Variants in MGST1 observed in about 807,000 individuals in gnomAD.
MGST1 encodes glutathione S-transferase 12.
MGST1 carries 5 observed loss-of-function variants against 8.9 expected under a neutral mutation model. That is an observed-to-expected ratio of 0.56 (90% CI 0.29 to 1.19). The LOEUF is 1.19. MGST1 is among the 50% of genes most tolerant of loss of function. The pLI is 0.08. For synonymous variants in MGST1, 54 were observed against 67.8 expected (o/e 0.80, Z 1.00); for missense variants, 182 against 187.4 (o/e 0.97, Z 0.17).
At chr12:16,574,713 G>A (rs1054874399) in intron 4 of MGST1, among the ~76,000 whole-genome samples, 2 of 152,088 alleles carry the variant, frequency 1.3e-5, no homozygotes, top group African/African-American at 2.4e-5. Flanking sequence ...GTTTCCAACC[G>A]CAAAGGATTT....
chr12:16,564,995 G>T (rs887450523), intron 4 of MGST1, among the ~76,000 whole-genome samples: 1 of 151,994 alleles, frequency 6.6e-6, no homozygotes, highest in Non-Finnish European at 1.5e-5. Flanking sequence ...TCTCTCTGTT[G>T]CCCAGGCTGA....
At chr12:16,380,282 G>A (rs564938750), downstream of MGST1, among the ~76,000 whole-genome samples, 2,350 of 122,230 alleles carry the variant, frequency 0.019, 75 homozygotes, top group African/African-American at 0.063. Context: ...GGCATTTAGT[G>A]CTATAAATTT....
At position 16,521,566 on chromosome 12, in the gene MGST1, TTAAATGTA is replaced by T. The variant is rs141869327; in HGVS notation, n.483-67961_483-67954del. The stretch of plus-strand genomic sequence containing the variant: ...TAAATTTAACTACAGAGTTCAGCAT[TTAAATGTA>T]CTGAGAGATTCAGAATCAAATCTTA... On this transcript the variant is annotated intron_variant and non_coding_transcript_variant, in intron 4 of 4. Coordinates refer to the MGST1 transcript ENST00000538857. Among the ~76,000 whole-genome samples the T allele has an allele frequency of 3.8e-3, 580 of 152,226 alleles. 18 individuals carry two copies. The East Asian group carries it at 0.1, about 27-fold the overall frequency.
At chr12:16,427,128 C>A (rs573334849) in intron 1 of MGST1, among the ~76,000 whole-genome samples, 4 of 152,172 alleles carry the variant, frequency 2.6e-5, no homozygotes, top group Non-Finnish European at 5.9e-5. Flanking sequence ...AGACTTTAAA[C>A]AATTGTTTAC....
At chr12:16,556,069 C>T (rs1182534772) in intron 4 of MGST1, among the ~76,000 whole-genome samples, 1 of 152,158 alleles carries the variant, frequency 6.6e-6, no homozygotes, top group Admixed American at 6.5e-5. Flanking sequence ...TTATCCACCT[C>T]AGCTTCCACA....
At chr12:16,591,298 C>G (rs1192060401), downstream of MGST1, among the ~76,000 whole-genome samples, 6 of 151,974 alleles carry the variant, frequency 3.9e-5, no homozygotes, top group Admixed American at 3.3e-4. The surrounding 1 kb of genome is among the most constrained non-coding windows in gnomAD (Gnocchi z 4.1). Flanking sequence ...GAATGTCCTT[C>G]CCATACGTGA....
In MGST1 at chr12:16,576,585, G is replaced by A. The variant is rs139805339; in HGVS notation, n.483-12943G>A. 1.2e-3 allele frequency among the ~76,000 whole-genome samples: 178 copies of A among 152,132 alleles called. 1 individual carries two copies. The Middle Eastern group carries it at 0.014, about 12-fold the overall frequency. ...ATCTTTCAGAATCTGTATCAGTTAC[G>A]TACCTGTTTGTCTCTTTCTCACTAC... On this transcript the variant is annotated intron_variant and non_coding_transcript_variant, in intron 4 of 4. Transcript: ENST00000538857. The surrounding 1 kb of genome is among the most constrained non-coding windows in gnomAD (Gnocchi z 4.1).
At position 16,520,070 on chromosome 12, in the gene MGST1, C is replaced by T. The variant is rs557211893; in HGVS notation, n.483-69458C>T. Among the ~76,000 whole-genome samples, 4 of 152,210 alleles carry T rather than the reference C, an allele frequency of 2.6e-5. No individual in the cohort carries two copies. In the South Asian group the frequency reaches 6.2e-4, roughly 24 times the overall value. On this transcript the variant is annotated intron_variant and non_coding_transcript_variant, in intron 4 of 4. Transcript: ENST00000538857. ...CATTTAGGACCAGTTGTGGCTGGGA[C>T]GGGCATTGGATTGGCTTTTTGGCAA... is the stretch of plus-strand genomic sequence containing the variant.
chr12:16,468,702 T>C (rs1941271275), intron 4 of MGST1, among the ~76,000 whole-genome samples: 1 of 152,226 alleles, frequency 6.6e-6, no homozygotes, highest in Non-Finnish European at 1.5e-5. Context: ...AAAATATTTG[T>C]TGTAGGATAG....
At chr12:16,454,984 G>A (rs939926238) in intron 4 of MGST1, among the ~76,000 whole-genome samples, 2 of 151,028 alleles carry the variant, frequency 1.3e-5, no homozygotes, top group African/African-American at 2.4e-5. Flanking sequence ...AGGAAGAGAG[G>A]CTATTGAACT....
chr12:16,496,818 G>A (rs1015046324), intron 4 of MGST1, among the ~76,000 whole-genome samples: 9 of 151,978 alleles, frequency 5.9e-5, no homozygotes, highest in African/African-American at 1.9e-4. Context: ...GCTTTGGTAG[G>A]AGAAAGAAAA....
At chr12:16,535,317 C>A (rs1275755287) in intron 4 of MGST1, among the ~76,000 whole-genome samples, 2 of 152,152 alleles carry the variant, frequency 1.3e-5, no homozygotes, top group African/African-American at 4.8e-5. Context: ...GCTGTGGGCT[C>A]AATGTATAAT....
chr12:16,553,222 C>G lies in MGST1; in HGVS notation n.483-36306C>G, dbSNP rs1942058351. 3.9e-5 allele frequency among the ~76,000 whole-genome samples: 6 copies of G among 152,188 alleles called. No homozygotes were observed. The South Asian group carries it at 1.2e-3, about 31-fold the overall frequency. On this transcript the variant is annotated intron_variant and non_coding_transcript_variant, in intron 4 of 4. Coordinates refer to the MGST1 transcript ENST00000538857. The stretch of plus-strand genomic sequence containing the variant: ...AACCTAAGACTCCGTGCCAGAATTT[C>G]AAAGCCCTGCCCAAGATTCTGTAGT...
chr12:16,501,804 AT>A (rs2137168791), intron 4 of MGST1, among the ~76,000 whole-genome samples: 1 of 152,316 alleles, frequency 6.6e-6, no homozygotes, highest in Non-Finnish European at 1.5e-5. Flanking sequence ...AGAGAATGCT[AT>A]TAAAGAATTA....
chr12:16,496,026 T>C (rs984331272), intron 4 of MGST1, among the ~76,000 whole-genome samples: 4 of 152,086 alleles, frequency 2.6e-5, no homozygotes, highest in African/African-American at 9.7e-5. Flanking sequence ...GATATGGATG[T>C]GTAACAAGCC....
chr12:16,412,818 G>T lies in MGST1; in HGVS notation n.779-24570G>T, dbSNP rs12366311. Among the ~76,000 whole-genome samples, 6 of 152,212 alleles carry T rather than the reference G, an allele frequency of 3.9e-5. No individual in the cohort carries two copies. The East Asian group carries it at 9.6e-4, about 24-fold the overall frequency. On this transcript the variant is annotated intron_variant and non_coding_transcript_variant, in intron 1 of 1. Coordinates refer to the MGST1 transcript ENST00000359720. ...TCCATTAAACTTCTTTTTCTTTATA[G>T]ATTACCCAGTCTCAAGTATGTCTTT...
downstream of MGST1, among the ~76,000 whole-genome samples, chr12:16,439,407 A>G (rs1941019085): frequency 6.6e-6 from 1 of 151,874 alleles, no homozygotes; most frequent in Admixed American, 6.6e-5. Context: ...TAGTGGCTTT[A>G]TCTTGAACTT....
At chr12:16,391,505 A>G (rs373331506) in intron 1 of MGST1, among the ~76,000 whole-genome samples, 1 of 152,116 alleles carries the variant, frequency 6.6e-6, no homozygotes. Flanking sequence ...CTCATTTTTT[A>G]TGGCTGCATA....
intron 4 of MGST1, among the ~76,000 whole-genome samples, chr12:16,553,228 C>T (rs140019302): frequency 2.6e-4 from 39 of 152,090 alleles, no homozygotes; most frequent in African/African-American, 9.2e-4. Flanking sequence ...ATTTCAAAGC[C>T]CTGCCCAAGA....
Sources: allele counts gnomAD v4.1 joint callset (sites outside exome capture counted in the v4.1 genomes callset), GRCh38; gene constraint gnomAD v4.1.1; non-coding constraint Gnocchi (gnomAD v3.1); transcripts MANE v1.5; gene names NCBI Gene and HGNC (gene_info 2026-07-23, HGNC 2026-07-21).